RIMS2: variants seen among roughly 807,000 people sequenced by gnomAD.
The protein encoded by RIMS2 is regulating synaptic membrane exocytosis 2.
A neutral mutation model predicts 174.4 loss-of-function variants in RIMS2; 59 were observed. The ratio of observed to expected loss-of-function variants is 0.34; its 90% CI spans 0.27 to 0.42. RIMS2 has a LOEUF of 0.42. Ranked by LOEUF, RIMS2 falls within the 10% of genes least tolerant of loss-of-function variation. RIMS2 has a pLI of 1.00. For synonymous variants in RIMS2, 606 were observed against 572.5 expected (o/e 1.06, Z -0.84); for missense variants, 1,620 against 1,666.3 (o/e 0.97, Z 0.48).
intron 19 of RIMS2, among the ~76,000 whole-genome samples, chr8:104,055,060 C>T (rs2096846457): frequency 6.6e-6 from 1 of 151,966 alleles, no homozygotes; most frequent in African/African-American, 2.4e-5. Context: ...GTTTGGGGGG[C>T]ATGATCACAT....
At chr8:103,539,182 C>T (rs1841356428) in intron 1 of RIMS2, among the ~76,000 whole-genome samples, 1 of 152,132 alleles carries the variant, frequency 6.6e-6, no homozygotes, top group Admixed American at 6.5e-5. Context: ...TGCTCTCCAG[C>T]TTGAGCAACA....
intron 19 of RIMS2, among the ~76,000 whole-genome samples, chr8:104,054,260 C>T (rs1332527586): frequency 6.6e-6 from 1 of 151,994 alleles, no homozygotes; most frequent in East Asian, 1.9e-4. Flanking sequence ...ATTTAGGATA[C>T]ATTCCTTTGA....
intron 1 of RIMS2, among the ~76,000 whole-genome samples, chr8:103,639,662 G>T (rs1452418860): frequency 6.6e-6 from 1 of 151,806 alleles, no homozygotes. Flanking sequence ...CTCTTGTATG[G>T]ATTTAACCAT....
chr8:103,580,939 C>T (rs1175791744), intron 1 of RIMS2, among the ~76,000 whole-genome samples: 1 of 148,478 alleles, frequency 6.7e-6, no homozygotes, highest in Non-Finnish European at 1.5e-5. Context: ...ACGCCATTCT[C>T]CTGCCTCAGC....
intron 2 of RIMS2, among the ~76,000 whole-genome samples, chr8:103,729,267 A>G (rs1444670665): frequency 6.6e-6 from 1 of 152,088 alleles, no homozygotes; most frequent in East Asian, 1.9e-4. Context: ...TTCTTGGTCT[A>G]TCCAAGCTTT....
chr8:104,137,767 T>G (rs1599712394), intron 19 of RIMS2, among the ~76,000 whole-genome samples: 1 of 152,160 alleles, frequency 6.6e-6, no homozygotes, highest in Non-Finnish European at 1.5e-5. Context: ...TAGAAAAAAA[T>G]GATTCACCAT....
chr8:104,049,117 A>G (rs2096741373), intron 19 of RIMS2, among the ~76,000 whole-genome samples: 2 of 139,138 alleles, frequency 1.4e-5, no homozygotes, highest in South Asian at 4.9e-4. Context: ...TTACTTCTAG[A>G]TTTTTCTTTA....
intron 1 of RIMS2, among the ~76,000 whole-genome samples, chr8:103,614,021 C>T (rs1244590549): frequency 6.6e-6 from 1 of 152,234 alleles, no homozygotes; most frequent in Non-Finnish European, 1.5e-5. Context: ...GGTGCAAGCA[C>T]TACTTTAACC....
intron 3 of RIMS2, among the ~76,000 whole-genome samples, chr8:103,865,287 T>TTC (rs1554904134): frequency 6.9e-6 from 1 of 144,304 alleles, no homozygotes; most frequent in Non-Finnish European, 1.5e-5. Flanking sequence ...TTTTTTTCTT[T>TTC]TTTTTTTTTT....
At chr8:103,706,436 T>G (rs2097227651) in intron 2 of RIMS2, among the ~76,000 whole-genome samples, 1 of 152,158 alleles carries the variant, frequency 6.6e-6, no homozygotes, top group African/African-American at 2.4e-5. Flanking sequence ...TGTTTCTTTT[T>G]TTTAAAAAAA....
intron 16 of RIMS2, among the ~76,000 whole-genome samples, chr8:103,987,423 T>A (rs968687600): frequency 1.3e-5 from 2 of 152,176 alleles, no homozygotes; most frequent in Non-Finnish European, 2.9e-5. Flanking sequence ...ATAAATCTTA[T>A]CAGAGGCAGA....
At chr8:103,880,648 A>G (rs2099162785) in intron 3 of RIMS2, 3 of 529,904 alleles carry the variant, frequency 5.7e-6, no homozygotes, top group Non-Finnish European at 1.0e-5. Flanking sequence ...TTTTGTCAAC[A>G]TGATGCTTCA....
At chr8:103,844,651 A>T in intron 3 of RIMS2, among the ~76,000 whole-genome samples, 1 of 152,130 alleles carries the variant, frequency 6.6e-6, no homozygotes, top group East Asian at 1.9e-4. Context: ...TGTAGTTTTT[A>T]TAAATGTTTA....
intron 1 of RIMS2, among the ~76,000 whole-genome samples, chr8:103,526,283 TAC>T (rs1833945486): frequency 6.6e-6 from 1 of 152,224 alleles, no homozygotes; most frequent in Non-Finnish European, 1.5e-5. Flanking sequence ...TTAATTAGAT[TAC>T]AGACATCTAA....
intron 1 of RIMS2, among the ~76,000 whole-genome samples, chr8:103,607,560 C>T (rs371333272): frequency 1.1e-4 from 17 of 147,924 alleles, no homozygotes; most frequent in East Asian, 9.7e-4. Flanking sequence ...CTTGCTAGAT[C>T]GGGGAAATTC....
At chr8:103,993,346 CT>C (rs998312481) in intron 17 of RIMS2, among the ~76,000 whole-genome samples, 4 of 152,032 alleles carry the variant, frequency 2.6e-5, no homozygotes, top group African/African-American at 7.2e-5. Flanking sequence ...ACTTTATAAG[CT>C]TTTTTTCTCC....
At chr8:104,130,605 C>A (rs1417897613) in intron 19 of RIMS2, among the ~76,000 whole-genome samples, 3 of 152,132 alleles carry the variant, frequency 2.0e-5, no homozygotes, top group Non-Finnish European at 4.4e-5. Flanking sequence ...TTTAACCCAC[C>A]AATTTGCCAA....
chr8:104,011,096 A>T (rs963247883), intron 17 of RIMS2, among the ~76,000 whole-genome samples: 9 of 152,228 alleles, frequency 5.9e-5, no homozygotes, highest in African/African-American at 2.2e-4. Flanking sequence ...AAGGGACCTG[A>T]TGTAAGACTG....
At chr8:103,983,950 G>A (rs1349550072) in intron 16 of RIMS2, among the ~76,000 whole-genome samples, 1 of 152,078 alleles carries the variant, frequency 6.6e-6, no homozygotes, top group Non-Finnish European at 1.5e-5. Flanking sequence ...AAGGCGGGCG[G>A]ATCACGAGGT....
Sources: allele counts gnomAD v4.1 joint callset (sites outside exome capture counted in the v4.1 genomes callset), GRCh38; gene constraint gnomAD v4.1.1; transcripts MANE v1.5; gene names NCBI Gene and HGNC (gene_info 2026-07-23, HGNC 2026-07-21).